Variants in THAP4 observed in about 807,000 individuals in gnomAD.
THAP4 encodes the protein peroxynitrite isomerase THAP4.
A neutral mutation model predicts 48.1 loss-of-function variants in THAP4; 18 were observed. That is an observed-to-expected ratio of 0.37 (90% CI 0.26 to 0.56). The LOEUF (loss-of-function observed/expected upper bound fraction) is 0.56. Ranked by LOEUF, THAP4 falls within the 20% of genes least tolerant of loss-of-function variation. The pLI, the probability that THAP4 is intolerant of heterozygous loss-of-function variation, is 0.78. For synonymous variants in THAP4, 345 were observed against 324.9 expected (o/e 1.06, Z -0.66); for missense variants, 656 against 774.9 (o/e 0.85, Z 1.82).
In THAP4 at chr2:241,633,138, T is replaced by C. The variant is rs375129600; in HGVS notation, c.1019A>G (p.Lys340Arg). The C allele has an allele frequency of 3.7e-6, 6 of 1,611,502 alleles. No homozygotes were observed. Among genetic ancestry groups the C allele is most frequent in the South Asian group, 2.2e-5 (2 of 90,884 alleles). Residue 340 changes from lysine (K) to arginine (R), a missense_variant, in exon 2 of 6, where the codon AAG (lysine) becomes AGG (arginine). This residue lies in a region of THAP4 where 391 missense variants were observed against 412.4 expected (regional missense o/e 0.95). Coordinates refer to ENST00000407315, the MANE Select transcript of THAP4 (RefSeq NM_015963.6). This position sits in a 1 kb window ranked among gnomAD's most constrained non-coding sequence, Gnocchi z 7.5. ...EVILSASGAC[K>R]LIDSLHSYCF... ...GTAGGAGTGCAGTGAGTCGATGAGC[T>C]TGCAGGCCCCTGACGCCGACAGGAT...
At chr2:241,597,194 G>A (rs576884398) in intron 5 of THAP4, among the ~76,000 whole-genome samples, 36 of 152,212 alleles carry the variant, frequency 2.4e-4, no homozygotes, top group African/African-American at 7.9e-4. Context: ...GCAGTGGCGC[G>A]ATCTCGGCTC....
intron 1 of THAP4, among the ~76,000 whole-genome samples, chr2:241,635,148 C>G (rs762164533): frequency 6.6e-6 from 1 of 152,184 alleles, no homozygotes; most frequent in Non-Finnish European, 1.5e-5. Flanking sequence ...GGCTGGGAGC[C>G]GTGGCTCATG....
intron 2 of THAP4, among the ~76,000 whole-genome samples, chr2:241,621,361 T>G (rs929318708): frequency 6.6e-6 from 1 of 151,940 alleles, no homozygotes; most frequent in Non-Finnish European, 1.5e-5. Context: ...ATAATAGTAA[T>G]AATAATAAAA....
chr2:241,598,734 T>TG, intron 5 of THAP4, among the ~76,000 whole-genome samples: 1 of 152,190 alleles, frequency 6.6e-6, no homozygotes, highest in East Asian at 1.9e-4. Flanking sequence ...GCCACTCACC[T>TG]CCTGCAGTGA....
Position 241,637,127 on chromosome 2 carries a change from C to T in THAP4, c.-110G>A. ...CGGCGACACGGCTCGGGACGTGGGC[C>T]GGCCCGCGGCGTCCGCGCCGTACGG... On this transcript the variant is annotated 5_prime_UTR_variant, in exon 1 of 6. Coordinates refer to ENST00000407315, the MANE Select transcript of THAP4 (RefSeq NM_015963.6). 2 of 996,146 alleles carry T rather than the reference C, an allele frequency of 2.0e-6. No homozygotes were observed. The highest frequency in any genetic ancestry group is 2.4e-6 in the Non-Finnish European group (2 of 838,806). 61.7% of individuals were successfully genotyped at this position (996,146 alleles called of 1,614,324 possible). A position where few individuals can be genotyped will look rare whatever the true frequency, so the allele number is the denominator to read the frequency against.
Position 241,606,292 on chromosome 2 carries a change from G to A in THAP4, c.1400+22C>T, listed in dbSNP as rs1268201407. 4 of 1,539,172 alleles carry A rather than the reference G, an allele frequency of 2.6e-6. No homozygotes were observed. The African/African-American group carries it at 5.5e-5, about 21-fold the overall frequency. On this transcript the variant is annotated intron_variant, in intron 3 of 5. Transcript: ENST00000407315. ...AGGCGGCCCATGAGTCAAGCAGGGT[G>A]GGGTGGAGGGAGACAACTTACGAGA...
chr2:241,633,203 G>A lies in THAP4; in HGVS notation c.954C>T (p.Ser318=), dbSNP rs368795607. The A allele has an allele frequency of 4.4e-5, 71 of 1,609,310 alleles. No homozygotes were observed. The highest frequency in any genetic ancestry group is 3.0e-4 in the South Asian group (27 of 90,776). ...ACATGGGGCTGGCGTCGCTGTGCTC[G>A]CTCTGCACGGCTTCCGTGGCTGGCT... ...TPKPATEAVQ[S]EHSDASPMSI... The change falls in exon 2 of 6, where the codon AGC becomes AGT. Residue 318 remains serine, a synonymous_variant. Transcript: ENST00000407315. The surrounding 1 kb of genome is among the most constrained non-coding windows in gnomAD (Gnocchi z 7.5).
rs895031155 is a variant in THAP4, at chr2:241,616,071, A to G, written c.1241-9598T>C. Among the ~76,000 whole-genome samples the G allele has an allele frequency of 6.6e-6, 1 of 152,212 alleles. No individual in the cohort carries two copies. The highest frequency in any genetic ancestry group is 6.5e-5 in the Admixed American group (1 of 15,274). ...GAACTCAGTCAGGGGGCTGGCAAGG[A>G]CAGGTGAGCACAGCTGGCTCCTCAG... is the stretch of plus-strand genomic sequence containing the variant. On this transcript the variant is annotated intron_variant, in intron 2 of 5. Coordinates refer to ENST00000407315, the MANE Select transcript of THAP4 (RefSeq NM_015963.6). This position sits in a 1 kb window ranked among gnomAD's most constrained non-coding sequence, Gnocchi z 4.6.
At chr2:241,593,701 T>C (rs984214150) in intron 5 of THAP4, among the ~76,000 whole-genome samples, 1 of 152,208 alleles carries the variant, frequency 6.6e-6, no homozygotes, top group African/African-American at 2.4e-5. Flanking sequence ...CATGTATTTA[T>C]TTTGAGACAG....
rs1335204210 is a variant in THAP4 at position 241,612,080 on chromosome 2, AG to A, written c.1241-5608del. Among the ~76,000 whole-genome samples the A allele has an allele frequency of 6.6e-6, 1 of 152,172 alleles. No homozygotes were observed. The highest frequency in any genetic ancestry group is 1.5e-5 in the Non-Finnish European group (1 of 68,030). On this transcript the variant is annotated intron_variant, in intron 2 of 5. Transcript: ENST00000407315. The surrounding 1 kb of genome is among the most constrained non-coding windows in gnomAD (Gnocchi z 4.1). ...AGAAAGACCACTAACTAAACATGTAAGAACTCAGGAGAGAAACGGCAAGGAA... is the reference window on the plus strand; with the variant it reads ...AGAAAGACCACTAACTAAACATGTAAAACTCAGGAGAGAAACGGCAAGGAA...
chr2:241,617,576 C>A lies in THAP4; in HGVS notation c.1241-11103G>T, dbSNP rs761696560. On this transcript the variant is annotated intron_variant, in intron 2 of 5. Transcript: ENST00000407315. ...GAATTGTAGTTCCACTATGAAAGATCACGTCTCAGAAGAAAGTAAAAGACA... is the reference window on the plus strand; with the variant it reads ...GAATTGTAGTTCCACTATGAAAGATAACGTCTCAGAAGAAAGTAAAAGACA... 1.1e-5 allele frequency: 11 copies of A among 1,000,026 alleles called. No homozygotes were observed. In the African/African-American group the frequency reaches 1.6e-4, roughly 15 times the overall value. The allele number at this position is 1,000,026 out of a possible 1,614,324, so 61.9% of individuals were successfully genotyped here.
At chr2:241,605,315 T>C (rs2067166387) in intron 3 of THAP4, among the ~76,000 whole-genome samples, 1 of 152,208 alleles carries the variant, frequency 6.6e-6, no homozygotes, top group Non-Finnish European at 1.5e-5. Context: ...CTAGGCATTA[T>C]ACAAATAGTA....
At chr2:241,613,949 C>T (rs532332102) in intron 2 of THAP4, among the ~76,000 whole-genome samples, 3 of 151,916 alleles carry the variant, frequency 2.0e-5, no homozygotes, top group Admixed American at 1.3e-4. Context: ...TCCAGAAATT[C>T]GAGACCAGCC....
intron 2 of THAP4, among the ~76,000 whole-genome samples, chr2:241,620,617 AGT>A (rs759500081): frequency 8.8e-6 from 1 of 113,544 alleles, no homozygotes; most frequent in Non-Finnish European, 1.8e-5. Context: ...GTGAGGGATG[AGT>A]GAGGGGTGAG....
Position 241,633,029 on chromosome 2 carries a change from C to T in THAP4, c.1128G>A (p.Leu376=), listed in dbSNP as rs2067586002. Residue 376 remains leucine, a synonymous_variant, in exon 2 of 6, where the codon CTG becomes CTA. Coordinates refer to ENST00000407315, the MANE Select transcript of THAP4 (RefSeq NM_015963.6). This position sits in a 1 kb window ranked among gnomAD's most constrained non-coding sequence, Gnocchi z 7.5. ...TGTCGGAGCGGCTGACCCTCTGCCGCAGGCTCTTCAGCTCGCCGTTCTTCT... is the reference window on the plus strand; with the variant it reads ...TGTCGGAGCGGCTGACCCTCTGCCGTAGGCTCTTCAGCTCGCCGTTCTTCT... The part of the protein sequence containing the change: ...VEKKNGELKS[L]RQRVSRSDSQ... 15 of 1,613,864 alleles carry T rather than the reference C, an allele frequency of 9.3e-6. No individual in the cohort carries two copies. Among genetic ancestry groups the T allele is most frequent in the Non-Finnish European group, 1.3e-5 (15 of 1,180,022 alleles).
At chr2:241,596,355 A>G (rs1290331992) in intron 5 of THAP4, among the ~76,000 whole-genome samples, 1 of 151,014 alleles carries the variant, frequency 6.6e-6, no homozygotes, top group East Asian at 2.0e-4. Context: ...AAAAATATAA[A>G]ATTTAGGTAG....
In THAP4 at chr2:241,610,094, G is replaced by A. The variant is rs1330572682; in HGVS notation, c.1241-3621C>T. Among the ~76,000 whole-genome samples, 1 of 152,208 alleles carries A rather than the reference G, an allele frequency of 6.6e-6. No homozygotes were observed. Among genetic ancestry groups the A allele is most frequent in the Non-Finnish European group, 1.5e-5 (1 of 68,020 alleles). On this transcript the variant is annotated intron_variant, in intron 2 of 5. Transcript: ENST00000407315. The surrounding 1 kb of genome is among the most constrained non-coding windows in gnomAD (Gnocchi z 4.2). ...GCCCCTGGGTCCCGAGGGCCCCGAG[G>A]AAGAGGCCAAGGGGCCTGGCGGCGC... is the stretch of plus-strand genomic sequence containing the variant.
At chr2:241,594,748 A>T (rs1160445229) in intron 5 of THAP4, 1 of 161,638 alleles carries the variant, frequency 6.2e-6, no homozygotes, top group African/African-American at 2.4e-5. Flanking sequence ...ATGGAATGAG[A>T]CCCTCTCTTA....
intron 2 of THAP4, among the ~76,000 whole-genome samples, chr2:241,624,665 T>C (rs1401056748): frequency 4.6e-5 from 7 of 152,224 alleles, no homozygotes; most frequent in Non-Finnish European, 4.4e-5. Context: ...GAAGTTTTCA[T>C]GGAGGCTTAA....
Sources: allele counts gnomAD v4.1 joint callset (sites outside exome capture counted in the v4.1 genomes callset), GRCh38; gene constraint gnomAD v4.1.1; regional missense constraint gnomAD v4.1.1; non-coding constraint Gnocchi (gnomAD v3.1); transcripts MANE v1.5; gene names NCBI Gene and HGNC (gene_info 2026-07-23, HGNC 2026-07-21).